SIMC1: variants seen among roughly 807,000 people sequenced by gnomAD.
SIMC1 encodes the protein SUMO interacting motifs containing 1, also known as SUMO-interacting motif-containing protein 1.
SIMC1 carries 55 observed loss-of-function variants against 82.3 expected under a neutral mutation model. The ratio of observed to expected loss-of-function variants is 0.67; its 90% CI spans 0.54 to 0.84. The LOEUF is 0.84. SIMC1 is among the 40% of genes least tolerant of loss of function. SIMC1 has a pLI of 0.00. For missense variants in SIMC1, 915 were observed against 1,107.2 expected (o/e 0.83, Z 2.46); for synonymous variants, 353 against 426.3 (o/e 0.83, Z 2.12).
intron 7 of SIMC1, among the ~76,000 whole-genome samples, chr5:176,331,752 T>A (rs1207845989): frequency 6.6e-6 from 1 of 152,024 alleles, no homozygotes; most frequent in East Asian, 2.0e-4. Context: ...GCGAATCAGC[T>A]GAGGTCAGGA....
At chr5:176,330,641 A>G (rs188331494) in intron 7 of SIMC1, among the ~76,000 whole-genome samples, 17 of 152,326 alleles carry the variant, frequency 1.1e-4, no homozygotes, top group African/African-American at 4.1e-4. Context: ...TATCTGTTGA[A>G]TAAAATAGGA....
At chr5:176,316,444 A>T (rs1195477586) in intron 5 of SIMC1, among the ~76,000 whole-genome samples, 2 of 150,442 alleles carry the variant, frequency 1.3e-5, no homozygotes, top group African/African-American at 2.5e-5. Flanking sequence ...AGGTGGGCAG[A>T]TCACTTGAGG....
intron 9 of SIMC1, among the ~76,000 whole-genome samples, chr5:176,341,316 G>A (rs140044628): frequency 8.7e-4 from 133 of 152,358 alleles, no homozygotes; most frequent in Middle Eastern, 3.4e-3. Flanking sequence ...TAGTGAGTAA[G>A]GGGAGAATAA....
chr5:176,280,680 C>T (rs1392494043), intron 1 of SIMC1, among the ~76,000 whole-genome samples: 2 of 152,032 alleles, frequency 1.3e-5, no homozygotes, highest in African/African-American at 4.8e-5. Context: ...GATTTTATTT[C>T]TCTTTCACTT....
Position 176,265,414 on chromosome 5 carries a change from A to G in SIMC1, c.130-24240A>G, listed in dbSNP as rs184795420. Among the ~76,000 whole-genome samples, 7 of 152,370 alleles carry G rather than the reference A, an allele frequency of 4.6e-5. No individual in the cohort carries two copies. The East Asian group carries it at 1.2e-3, about 25-fold the overall frequency. On this transcript the variant is annotated intron_variant, in intron 1 of 9. Transcript: ENST00000429602. ...ACTAGAGTGGCAGGCAGCATATCCC[A>G]TTATCAACACCATAAGTGGGTGATA...
At chr5:176,318,700 C>T (rs1198455734) in intron 5 of SIMC1, among the ~76,000 whole-genome samples, 1 of 152,220 alleles carries the variant, frequency 6.6e-6, no homozygotes, top group Non-Finnish European at 1.5e-5. Context: ...TTTATCTTCT[C>T]ATACATTGAT....
At chr5:176,285,259 T>G (rs1035742289) in intron 1 of SIMC1, among the ~76,000 whole-genome samples, 6 of 152,084 alleles carry the variant, frequency 3.9e-5, no homozygotes, top group Non-Finnish European at 7.4e-5. Flanking sequence ...GCAAACCGAA[T>G]CCAGCAGCAC....
intron 1 of SIMC1, among the ~76,000 whole-genome samples, chr5:176,241,820 A>G (rs1335427714): frequency 9.2e-5 from 14 of 151,502 alleles, no homozygotes; most frequent in Non-Finnish European, 5.9e-5. Context: ...ATTTGTCAAT[A>G]CCATAGGTTT....
Position 176,290,050 on chromosome 5 carries a change from C to G in SIMC1, c.526C>G (p.Leu176Val). ...AGGTAACCTCAGCTTCTTGGCAAGT[C>G]TACAGCTGTCTTCAGATGTTAGCTC... ...FTGNLSFLAS[L>V]QLSSDVSSLS... Residue 176 changes from leucine to valine, a missense_variant, in exon 2 of 10, where the codon CTA (leucine) becomes GTA (valine). Leu to Val is a conservative substitution (Grantham distance 32). Transcript: ENST00000429602. The G allele has an allele frequency of 1.2e-6, 2 of 1,611,888 alleles. No homozygotes were observed. Among genetic ancestry groups the G allele is most frequent in the Middle Eastern group, 1.6e-4 (1 of 6,062 alleles).
intron 1 of SIMC1, among the ~76,000 whole-genome samples, chr5:176,274,176 G>A (rs1420772305): frequency 6.2e-5 from 9 of 144,278 alleles, no homozygotes; most frequent in Admixed American, 5.6e-4. Context: ...GTTGTTTCCT[G>A]ACTTTTTAAT....
chr5:176,297,502 C>CAAAA (rs896827211), intron 4 of SIMC1, among the ~76,000 whole-genome samples: 6 of 35,910 alleles, frequency 1.7e-4, no homozygotes, highest in Middle Eastern at 0.014. Context: ...AACTCTGTCT[C>CAAAA]AAAAAAAAAA....
At chr5:176,252,935 G>T (rs1466492053) in intron 1 of SIMC1, among the ~76,000 whole-genome samples, 3 of 152,228 alleles carry the variant, frequency 2.0e-5, no homozygotes, top group Non-Finnish European at 2.9e-5. Flanking sequence ...GTTAGGAGCT[G>T]GAGACCAGCC....
intron 7 of SIMC1, among the ~76,000 whole-genome samples, chr5:176,334,166 A>G (rs1023644521): frequency 1.3e-5 from 2 of 152,248 alleles, no homozygotes; most frequent in African/African-American, 2.4e-5. Context: ...GCTCCTGGTT[A>G]TGAATTACAT....
At chr5:176,292,185 C>A (rs1763608508) in intron 2 of SIMC1, among the ~76,000 whole-genome samples, 1 of 152,262 alleles carries the variant, frequency 6.6e-6, no homozygotes, top group Admixed American at 6.5e-5. Context: ...TACTTGCTGA[C>A]TTTGGGGGAG....
chr5:176,319,446 A>C, intron 5 of SIMC1, among the ~76,000 whole-genome samples: 1 of 152,012 alleles, frequency 6.6e-6, no homozygotes, highest in Non-Finnish European at 1.5e-5. Context: ...AGGCAGGAGG[A>C]TCGCTTGAGC....
At chr5:176,280,278 C>G (rs1207738856) in intron 1 of SIMC1, among the ~76,000 whole-genome samples, 2 of 152,178 alleles carry the variant, frequency 1.3e-5, no homozygotes, top group Non-Finnish European at 2.9e-5. Flanking sequence ...TCTGTTTTAT[C>G]AGAGACTAGG....
At position 176,279,184 on chromosome 5, in the gene SIMC1, TG is replaced by T; in HGVS notation, c.130-10469del. 3.3e-5 allele frequency among the ~76,000 whole-genome samples: 5 copies of T among 152,172 alleles called. 1 individual carries two copies. Among genetic ancestry groups the T allele is most frequent in the Admixed American group, 3.3e-4 (5 of 15,286 alleles). On this transcript the variant is annotated intron_variant, in intron 1 of 9. Transcript: ENST00000429602. Reference sequence around the variant, plus strand: ...TCTTCCTGGTTTAGTGTTGGGAGAGTGTATGTGTCGAGGAATTTATCCATTT... The same window carrying T: ...TCTTCCTGGTTTAGTGTTGGGAGAGTTATGTGTCGAGGAATTTATCCATTT...
At chr5:176,336,408 T>C (rs1293650984) in intron 7 of SIMC1, among the ~76,000 whole-genome samples, 1 of 152,226 alleles carries the variant, frequency 6.6e-6, no homozygotes, top group African/African-American at 2.4e-5. Flanking sequence ...CAAATAGTAT[T>C]TGGCACATCA....
chr5:176,279,452 G>T (rs1403893220), intron 1 of SIMC1, among the ~76,000 whole-genome samples: 1 of 151,928 alleles, frequency 6.6e-6, no homozygotes, highest in Non-Finnish European at 1.5e-5. Context: ...TTCTTGAAGG[G>T]TTTTTTGTGT....
Sources: gnomAD v4.1 joint callset for allele counts (sites outside exome capture counted in the v4.1 genomes callset) on GRCh38, gnomAD v4.1.1 for gene constraint, MANE v1.5 for transcripts, NCBI Gene and HGNC (gene_info 2026-07-23, HGNC 2026-07-21) for gene names.